Variants in TULP4 observed in about 807,000 individuals in gnomAD.
The protein encoded by TULP4 is tubby-related protein 4.
TULP4 carries 16 observed loss-of-function variants against 129.0 expected under a neutral mutation model. The ratio of observed to expected loss-of-function variants is 0.12; its 90% confidence interval spans 0.08 to 0.19. The LOEUF (loss-of-function observed/expected upper bound fraction) is 0.19, where lower values mean the gene tolerates loss of function less well. Ranked by LOEUF, TULP4 falls within the 10% of genes least tolerant of loss-of-function variation. The pLI is 1.00. For synonymous variants in TULP4, 998 were observed against 854.0 expected, an observed-to-expected ratio of 1.17 and a Z score of -2.94; for missense variants, 1,842 against 2,059.1, an observed-to-expected ratio of 0.89 and a Z score of 2.04.
chr6:158,262,083 G>C (rs1778362638), intron 1 of TULP4, among the ~76,000 whole-genome samples: 1 of 152,198 alleles, frequency 6.6e-6, no homozygotes. Context: ...AGGAAGAAAG[G>C]GAGACTGGAC....
intron 1 of TULP4, among the ~76,000 whole-genome samples, chr6:158,356,518 G>A: frequency 6.6e-6 from 1 of 152,200 alleles, no homozygotes. Context: ...AGCCCAGAGA[G>A]GGTAGGGAAG....
intron 1 of TULP4, among the ~76,000 whole-genome samples, chr6:158,323,393 T>C (rs144364654): frequency 2.0e-5 from 3 of 152,364 alleles, no homozygotes; most frequent in African/African-American, 7.2e-5. Flanking sequence ...GTTGTAGTCG[T>C]TTGAAAAGTT....
At chr6:158,306,317 G>A (rs1461429151) in intron 1 of TULP4, among the ~76,000 whole-genome samples, 3 of 152,206 alleles carry the variant, frequency 2.0e-5, no homozygotes, top group African/African-American at 4.8e-5. Flanking sequence ...TACTTTGGGA[G>A]GCTGAGGCAG....
chr6:158,239,642 AC>A (rs1220348468), intron 1 of TULP4, among the ~76,000 whole-genome samples: 26 of 45,748 alleles, frequency 5.7e-4, no homozygotes, highest in East Asian at 8.9e-4. Flanking sequence ...TGGGGGGCTG[AC>A]CCCCCCACCT....
At chr6:158,319,205 G>T (rs749318931) in intron 1 of TULP4, among the ~76,000 whole-genome samples, 2 of 152,146 alleles carry the variant, frequency 1.3e-5, no homozygotes, top group Non-Finnish European at 2.9e-5. Flanking sequence ...GCCCAGACCT[G>T]TGGGTGGCAC....
intron 1 of TULP4, among the ~76,000 whole-genome samples, chr6:158,351,562 C>T (rs1325686247): frequency 2.0e-5 from 3 of 152,058 alleles, no homozygotes; most frequent in East Asian, 1.9e-4. Flanking sequence ...CTGGGAAAAA[C>T]GTAGTGGATT....
chr6:158,271,487 G>A (rs1347997787), intron 1 of TULP4, among the ~76,000 whole-genome samples: 3 of 150,816 alleles, frequency 2.0e-5, no homozygotes, highest in African/African-American at 7.3e-5. Context: ...AGGCTGGAGT[G>A]CAGTGTGCCA....
chr6:158,438,169 C>T (rs1278676745), intron 3 of TULP4: 1 of 152,172 alleles, frequency 6.6e-6, no homozygotes, highest in African/African-American at 2.4e-5. Context: ...TTTTCAGTAA[C>T]ATGAAAAATA....
At chr6:158,472,233 G>A (rs1185915541) in intron 6 of TULP4, among the ~76,000 whole-genome samples, 1 of 152,130 alleles carries the variant, frequency 6.6e-6, no homozygotes, top group East Asian at 1.9e-4. Context: ...TCTGACCAGT[G>A]CCTAGACTGT....
chr6:158,297,668 C>T (rs1779057611), intron 1 of TULP4, among the ~76,000 whole-genome samples: 1 of 152,186 alleles, frequency 6.6e-6, no homozygotes, highest in African/African-American at 2.4e-5. Context: ...TCTGCCACGG[C>T]TCCAGCTGGT....
chr6:158,367,816 A>G (rs1291208892), intron 1 of TULP4, among the ~76,000 whole-genome samples: 1 of 152,018 alleles, frequency 6.6e-6, no homozygotes, highest in East Asian at 1.9e-4. Context: ...TGAGGTGGGA[A>G]GATCACTGAA....
At chr6:158,449,313 C>A (rs1048282487) in intron 4 of TULP4, 137 bp downstream of exon 4, 2 of 864,894 alleles carry the variant, frequency 2.3e-6, no homozygotes, top group Non-Finnish European at 3.4e-6. Context: ...GAAGAGTTAT[C>A]AAGCTGAAAT....
At chr6:158,364,180 TG>T (rs1437345639) in intron 1 of TULP4, among the ~76,000 whole-genome samples, 2 of 152,186 alleles carry the variant, frequency 1.3e-5, no homozygotes, top group Non-Finnish European at 2.9e-5. Context: ...TGAAAAATAT[TG>T]TATAATATTT....
intron 1 of TULP4, among the ~76,000 whole-genome samples, chr6:158,260,486 G>C (rs1189058561): frequency 6.6e-6 from 1 of 151,606 alleles, no homozygotes; most frequent in Admixed American, 6.6e-5. Flanking sequence ...TGAGGCAGGA[G>C]AGTGGCATGA....
At chr6:158,265,942 C>T (rs1778437612) in intron 1 of TULP4, among the ~76,000 whole-genome samples, 1 of 152,078 alleles carries the variant, frequency 6.6e-6, no homozygotes, top group South Asian at 2.1e-4. Context: ...GTGGTTATAG[C>T]CATATTGCCT....
At chr6:158,348,173 G>GTTTTTTTTTTTTTTTTTTTTTTTTTTTT (rs34217788) in intron 1 of TULP4, among the ~76,000 whole-genome samples, 1 of 112,172 alleles carries the variant, frequency 8.9e-6, no homozygotes, top group African/African-American at 3.8e-5. Context: ...TTTTTTTAAG[G>GTTTTTTTTTTTTTTTTTTTTTTTTTTTT]TTTTTTTTTT....
At chr6:158,234,500 A>G (rs751111387) in intron 1 of TULP4, among the ~76,000 whole-genome samples, 6 of 152,236 alleles carry the variant, frequency 3.9e-5, no homozygotes, top group Non-Finnish European at 7.3e-5. Flanking sequence ...GTGCATGGCT[A>G]AGCTAGGTCG....
chr6:158,418,351 A>C (rs1294204376), intron 2 of TULP4, among the ~76,000 whole-genome samples: 3 of 144,652 alleles, frequency 2.1e-5, no homozygotes, highest in African/African-American at 5.2e-5. Context: ...CAGGTGATCC[A>C]CCCGTCTTGG....
chr6:158,371,521 G>A (rs140606420), intron 1 of TULP4, among the ~76,000 whole-genome samples: 16 of 152,312 alleles, frequency 1.1e-4, no homozygotes, highest in African/African-American at 3.4e-4. Context: ...TGCACTGCCT[G>A]TCGTATGGAA....
Sources: allele counts gnomAD v4.1 joint callset (sites outside exome capture counted in the v4.1 genomes callset), GRCh38; gene constraint gnomAD v4.1.1; transcripts MANE v1.5; gene names NCBI Gene and HGNC (gene_info 2026-07-23, HGNC 2026-07-21).